Variants in B3GALT1 observed in about 807,000 individuals in gnomAD.
B3GALT1 encodes beta-1,3-galactosyltransferase 1.
B3GALT1 carries 10 observed loss-of-function variants against 23.2 expected under a neutral mutation model. The ratio of observed to expected loss-of-function variants is 0.43; its 90% CI spans 0.27 to 0.73. The LOEUF is 0.73. Ranked by LOEUF, B3GALT1 falls within the 30% of genes least tolerant of loss-of-function variation. B3GALT1 has a pLI of 0.21. For missense variants in B3GALT1, 299 were observed against 405.4 expected, an observed-to-expected ratio of 0.74 and a Z score of 2.25; for synonymous variants, 156 against 141.5, an observed-to-expected ratio of 1.10 and a Z score of -0.73.
At chr2:167,586,481 A>G (rs1266979971) in intron 2 of B3GALT1, among the ~76,000 whole-genome samples, 1 of 151,992 alleles carries the variant, frequency 6.6e-6, no homozygotes, top group Non-Finnish European at 1.5e-5. Context: ...TTGTATTTTT[A>G]GTAGAGACAG....
At chr2:167,507,642 A>G (rs1699940560) in intron 2 of B3GALT1, among the ~76,000 whole-genome samples, 1 of 152,104 alleles carries the variant, frequency 6.6e-6, no homozygotes, top group African/African-American at 2.4e-5. Context: ...TTACACTAAT[A>G]TATATTAGTA....
chr2:167,318,544 C>G (rs549922828), intron 1 of B3GALT1, among the ~76,000 whole-genome samples: 1 of 151,792 alleles, frequency 6.6e-6, no homozygotes, highest in South Asian at 2.1e-4. Flanking sequence ...AAAAAAAAAT[C>G]CAACTTAAGT....
intron 2 of B3GALT1, among the ~76,000 whole-genome samples, chr2:167,522,186 TG>T (rs1259170500): frequency 1.3e-5 from 2 of 151,978 alleles, no homozygotes; most frequent in East Asian, 3.9e-4. Context: ...TTATGAGACC[TG>T]CTTTTGGTAT....
intron 2 of B3GALT1, among the ~76,000 whole-genome samples, chr2:167,498,503 T>C (rs2105346714): frequency 6.6e-6 from 1 of 152,308 alleles, no homozygotes; most frequent in Non-Finnish European, 1.5e-5. Flanking sequence ...TTCTCTGCCA[T>C]GACCTAAAAT....
chr2:167,451,184 C>G (rs191675192), intron 1 of B3GALT1, among the ~76,000 whole-genome samples: 1 of 152,098 alleles, frequency 6.6e-6, no homozygotes, highest in African/African-American at 2.4e-5. Flanking sequence ...CTTCTGAATT[C>G]TTTTTCAAGT....
intron 3 of B3GALT1, among the ~76,000 whole-genome samples, chr2:167,785,585 G>A (rs1688328680): frequency 6.6e-6 from 1 of 152,176 alleles, no homozygotes; most frequent in South Asian, 2.1e-4. Context: ...GGACACCGTG[G>A]TGTATGGTCT....
chr2:167,848,112 A>G (rs1235672293), intron 4 of B3GALT1, among the ~76,000 whole-genome samples: 4 of 152,036 alleles, frequency 2.6e-5, no homozygotes, highest in African/African-American at 9.7e-5. Flanking sequence ...ATTACCAACA[A>G]AAAAAAGGTC....
chr2:167,563,150 C>T (rs1018168048), intron 2 of B3GALT1, among the ~76,000 whole-genome samples: 5 of 152,062 alleles, frequency 3.3e-5, no homozygotes, highest in East Asian at 2.0e-4. Context: ...GGCCCGGTCT[C>T]AGTGAGCCGC....
At chr2:167,335,179 T>G (rs1697039123) in intron 1 of B3GALT1, among the ~76,000 whole-genome samples, 1 of 151,786 alleles carries the variant, frequency 6.6e-6, no homozygotes, top group East Asian at 2.0e-4. Context: ...TCCAAAACTT[T>G]CTCAAAAGAA....
At chr2:167,332,576 A>C (rs1339908973) in intron 1 of B3GALT1, among the ~76,000 whole-genome samples, 1 of 152,196 alleles carries the variant, frequency 6.6e-6, no homozygotes, top group Admixed American at 6.5e-5. Context: ...GAAGTTAGGA[A>C]AGGTAGGTGC....
At chr2:167,327,093 T>C (rs957500257) in intron 1 of B3GALT1, among the ~76,000 whole-genome samples, 4 of 152,158 alleles carry the variant, frequency 2.6e-5, no homozygotes, top group African/African-American at 9.6e-5. Context: ...TTCTGGGTTC[T>C]CTATGCTGTT....
At chr2:167,862,187 A>C (rs1295776185) in intron 4 of B3GALT1, among the ~76,000 whole-genome samples, 1 of 152,248 alleles carries the variant, frequency 6.6e-6, no homozygotes, top group African/African-American at 2.4e-5. Context: ...GCATTGTCTC[A>C]TGAGATTATG....
At chr2:167,711,147 A>G (rs1381695995) in intron 3 of B3GALT1, among the ~76,000 whole-genome samples, 1 of 151,974 alleles carries the variant, frequency 6.6e-6, no homozygotes, top group Non-Finnish European at 1.5e-5. Flanking sequence ...ACTGTGTTGC[A>G]TCTACTTGGA....
intron 3 of B3GALT1, among the ~76,000 whole-genome samples, chr2:167,732,278 T>C (rs748853369): frequency 2.9e-4 from 44 of 152,238 alleles, no homozygotes; most frequent in Admixed American, 2.6e-4. Context: ...ATTGATATTG[T>C]AAAATATTAT....
intron 2 of B3GALT1, among the ~76,000 whole-genome samples, chr2:167,565,406 A>T (rs1684138516): frequency 1.3e-5 from 2 of 152,232 alleles, no homozygotes; most frequent in Non-Finnish European, 2.9e-5. Flanking sequence ...CAAAAACCCT[A>T]GAAGAAAACC....
At chr2:167,415,418 T>C (rs1698453889) in intron 1 of B3GALT1, among the ~76,000 whole-genome samples, 1 of 152,164 alleles carries the variant, frequency 6.6e-6, no homozygotes, top group Non-Finnish European at 1.5e-5. Context: ...AGAAGTAAAT[T>C]TCTTTTATTC....
intron 3 of B3GALT1, among the ~76,000 whole-genome samples, chr2:167,764,154 G>A (rs954422508): frequency 3.3e-5 from 5 of 152,144 alleles, no homozygotes; most frequent in African/African-American, 1.2e-4. Flanking sequence ...TAGCACTGTA[G>A]CCTACATTAA....
chr2:167,673,121 G>A (rs1686361556), intron 3 of B3GALT1, among the ~76,000 whole-genome samples: 1 of 151,992 alleles, frequency 6.6e-6, no homozygotes, highest in South Asian at 2.1e-4. Flanking sequence ...CTATGATAAG[G>A]CATGGGAGAA....
chr2:167,389,807 G>A (rs1697988151), intron 1 of B3GALT1, among the ~76,000 whole-genome samples: 1 of 151,560 alleles, frequency 6.6e-6, no homozygotes, highest in South Asian at 2.1e-4. Context: ...AGTGCTTTGG[G>A]AGGCCAAGGC....
Sources: gnomAD v4.1 joint callset for allele counts (sites outside exome capture counted in the v4.1 genomes callset) on GRCh38, gnomAD v4.1.1 for gene constraint, MANE v1.5 for transcripts, NCBI Gene and HGNC (gene_info 2026-07-23, HGNC 2026-07-21) for gene names.